The following KCNIP4 variants were observed in gnomAD, a reference collection of about 807,000 sequenced individuals.
The protein encoded by KCNIP4 is potassium voltage-gated channel interacting protein 4.
KCNIP4 carries 12 observed loss-of-function variants against 34.0 expected under a neutral mutation model. The ratio of observed to expected loss-of-function variants is 0.35; its 90% CI spans 0.23 to 0.57. The LOEUF is 0.57. Ranked by LOEUF, KCNIP4 falls within the 20% of genes least tolerant of loss-of-function variation. The pLI is 0.83. For missense variants in KCNIP4, 238 were observed against 311.7 expected (o/e 0.76, Z 1.78); for synonymous variants, 124 against 102.2 (o/e 1.21, Z -1.29).
intron 1 of KCNIP4, among the ~76,000 whole-genome samples, chr4:21,200,422 A>T (rs1332097847): frequency 6.7e-6 from 1 of 148,914 alleles, no homozygotes; most frequent in Non-Finnish European, 1.5e-5. Context: ...GTATATATAT[A>T]CATTACATAC....
At chr4:21,832,040 T>C (rs923184015) in intron 1 of KCNIP4, among the ~76,000 whole-genome samples, 27 of 151,976 alleles carry the variant, frequency 1.8e-4, no homozygotes, top group African/African-American at 6.3e-4. Context: ...AGCACATATA[T>C]CACAATCAAG....
At chr4:21,238,846 A>C (rs1759574872) in intron 1 of KCNIP4, among the ~76,000 whole-genome samples, 2 of 152,188 alleles carry the variant, frequency 1.3e-5, no homozygotes, top group African/African-American at 4.8e-5. Flanking sequence ...TCAAGCTACC[A>C]ATGACTTTCT....
chr4:20,870,659 A>G (rs565963755), intron 2 of KCNIP4, among the ~76,000 whole-genome samples: 35 of 152,246 alleles, frequency 2.3e-4, no homozygotes, highest in Non-Finnish European at 4.7e-4. Flanking sequence ...AGGACCTTTT[A>G]TACTCTTCCT....
intron 1 of KCNIP4, among the ~76,000 whole-genome samples, chr4:21,263,357 G>A (rs1043413923): frequency 6.6e-6 from 1 of 152,194 alleles, no homozygotes; most frequent in African/African-American, 2.4e-5. Flanking sequence ...GGTTAGTGGC[G>A]AAGGCTGTAT....
At chr4:21,928,202 T>A (rs1729378461) in intron 1 of KCNIP4, among the ~76,000 whole-genome samples, 1 of 151,700 alleles carries the variant, frequency 6.6e-6, no homozygotes, top group Non-Finnish European at 1.5e-5. Flanking sequence ...CTGGTTTGGA[T>A]CAGTGATGAA....
intron 1 of KCNIP4, among the ~76,000 whole-genome samples, chr4:21,033,017 T>C (rs921436537): frequency 8.5e-5 from 13 of 152,102 alleles, no homozygotes; most frequent in African/African-American, 3.1e-4. Context: ...AAAACTCAGG[T>C]TTACTTTTTT....
At position 20,949,200 on chromosome 4, in the gene KCNIP4, A is replaced by G. The variant is rs556465020; in HGVS notation, c.62-66491T>C. Reference sequence around the variant, plus strand: ...TGAGATTTAGGCCACTTTGAAAAAAATCCTTTGCAAATACTGACGCATAGT... The same window carrying G: ...TGAGATTTAGGCCACTTTGAAAAAAGTCCTTTGCAAATACTGACGCATAGT... On this transcript the variant is annotated intron_variant, in intron 1 of 8. Transcript: ENST00000382152. 3.9e-5 allele frequency among the ~76,000 whole-genome samples: 6 copies of G among 152,358 alleles called. No homozygotes were observed. In the South Asian group the frequency reaches 1.2e-3, roughly 32 times the overall value.
chr4:21,563,699 T>C (rs1739631146), intron 1 of KCNIP4, among the ~76,000 whole-genome samples: 1 of 152,076 alleles, frequency 6.6e-6, no homozygotes, highest in African/African-American at 2.4e-5. Context: ...GTTCAAATGC[T>C]AAGAGAATTC....
At chr4:20,832,502 CT>C (rs1162788143) in intron 3 of KCNIP4, among the ~76,000 whole-genome samples, 16 of 152,028 alleles carry the variant, frequency 1.1e-4, no homozygotes, top group Non-Finnish European at 2.4e-4. Flanking sequence ...TAATTTTATC[CT>C]TTCTCAATGT....
At chr4:21,350,701 C>CCT (rs548850864) in intron 1 of KCNIP4, among the ~76,000 whole-genome samples, 31 of 152,256 alleles carry the variant, frequency 2.0e-4, no homozygotes, top group African/African-American at 7.0e-4. Flanking sequence ...TGAGGATTTC[C>CCT]ACAAATTTCT....
chr4:21,433,094 T>C (rs1344450909), intron 1 of KCNIP4, among the ~76,000 whole-genome samples: 1 of 152,178 alleles, frequency 6.6e-6, no homozygotes, highest in Non-Finnish European at 1.5e-5. Context: ...TATCATAAAA[T>C]TGTGTACCAA....
chr4:21,223,436 G>A (rs1758126086), intron 1 of KCNIP4, among the ~76,000 whole-genome samples: 1 of 152,172 alleles, frequency 6.6e-6, no homozygotes, highest in South Asian at 2.1e-4. Context: ...CACTATGCAT[G>A]TGGTCATTTG....
At chr4:20,877,678 T>G (rs1264031649) in intron 2 of KCNIP4, among the ~76,000 whole-genome samples, 1 of 152,206 alleles carries the variant, frequency 6.6e-6, no homozygotes, top group East Asian at 1.9e-4. Flanking sequence ...GTAGTCCAAC[T>G]GGCTCTCCTG....
At chr4:21,697,545 T>C in intron 1 of KCNIP4, 1 of 1,435,690 alleles carries the variant, frequency 7.0e-7, no homozygotes, top group Non-Finnish European at 9.0e-7. Context: ...TCTCAGTTTA[T>C]GCACAGGCTG....
At chr4:20,880,120 T>G (rs1057077767) in intron 2 of KCNIP4, among the ~76,000 whole-genome samples, 14 of 152,180 alleles carry the variant, frequency 9.2e-5, no homozygotes, top group Non-Finnish European at 1.9e-4. Context: ...TAATAAAAAT[T>G]TGGTATTGAT....
At chr4:20,946,522 C>T (rs190834900) in intron 1 of KCNIP4, among the ~76,000 whole-genome samples, 14 of 152,222 alleles carry the variant, frequency 9.2e-5, no homozygotes, top group African/African-American at 2.9e-4. Flanking sequence ...TGCAGTGGAA[C>T]GTCATTGCTA....
chr4:21,157,215 G>A (rs1753202505), intron 1 of KCNIP4, among the ~76,000 whole-genome samples: 1 of 152,102 alleles, frequency 6.6e-6, no homozygotes, highest in South Asian at 2.1e-4. Context: ...CACATAGACA[G>A]TAATTTAATT....
At chr4:21,265,550 A>C (rs1761747347) in intron 1 of KCNIP4, among the ~76,000 whole-genome samples, 1 of 152,228 alleles carries the variant, frequency 6.6e-6, no homozygotes, top group Non-Finnish European at 1.5e-5. Context: ...AGCCTTAAAT[A>C]ATGAACTATC....
At chr4:21,034,761 T>A (rs1016063795) in intron 1 of KCNIP4, among the ~76,000 whole-genome samples, 1 of 150,588 alleles carries the variant, frequency 6.6e-6, no homozygotes, top group Non-Finnish European at 1.5e-5. Context: ...TAAAAGTAAA[T>A]GTCGCTTCCT....
Sources: allele counts gnomAD v4.1 joint callset (sites outside exome capture counted in the v4.1 genomes callset), GRCh38; gene constraint gnomAD v4.1.1; transcripts MANE v1.5; gene names NCBI Gene and HGNC (gene_info 2026-07-23, HGNC 2026-07-21).